The following GTF2A2 variants were observed in gnomAD, a reference collection of about 807,000 sequenced individuals.
The protein encoded by GTF2A2 is general transcription factor IIA subunit 2.
In GTF2A2, 9 loss-of-function variants were observed where a neutral mutation model predicts 14.3. The observed-to-expected ratio is 0.63, with a 90% CI of 0.38 to 1.10. The LOEUF is 1.10. Ranked by LOEUF, GTF2A2 falls within the 50% of genes least tolerant of loss-of-function variation. The pLI is 0.01. For synonymous variants in GTF2A2, 56 were observed against 46.0 expected, an observed-to-expected ratio of 1.22 and a Z score of -0.88; for missense variants, 90 against 124.6, an observed-to-expected ratio of 0.72 and a Z score of 1.32.
chr15:59,645,235 A>G (rs1891563681), intron 3 of GTF2A2, among the ~76,000 whole-genome samples: 1 of 152,314 alleles, frequency 6.6e-6, no homozygotes, highest in East Asian at 1.9e-4. Context: ...TATCTAAGTC[A>G]TGATGTCCAA....
chr15:59,647,721 G>C (rs1425442899), intron 3 of GTF2A2, among the ~76,000 whole-genome samples: 1 of 151,984 alleles, frequency 6.6e-6, no homozygotes, highest in Non-Finnish European at 1.5e-5. Context: ...TGGGACTACA[G>C]GCATGCACCA....
chr15:59,642,875 T>G (rs1249652386), intron 3 of GTF2A2, among the ~76,000 whole-genome samples: 1 of 152,208 alleles, frequency 6.6e-6, no homozygotes. Context: ...CAAGAGATTC[T>G]CCTACCTCAG....
rs1214486989 is a variant in GTF2A2, at chr15:59,650,753, T to C, written c.93A>G (p.Gln31=). 1 of 1,605,050 alleles carries C rather than the reference T, an allele frequency of 6.2e-7. No individual in the cohort carries two copies. The highest frequency in any genetic ancestry group is 8.5e-7 in the Non-Finnish European group (1 of 1,172,056). ...ACTGAAGTAGAACTTGAAGGGCAAG[T>C]TGGGGGGTGATCTGTTGAGACTGAG... ...ELIQSQQITP[Q]LALQVLLQFD... The change falls in exon 3 of 5, where the codon CAA becomes CAG. Residue 31 remains glutamine (Q), a synonymous_variant. Transcript: ENST00000396060.
chr15:59,642,653 G>C (rs1250109091), intron 3 of GTF2A2, among the ~76,000 whole-genome samples: 1 of 152,192 alleles, frequency 6.6e-6, no homozygotes, highest in Non-Finnish European at 1.5e-5. Context: ...TACAAAAGCA[G>C]GGATTTCTTA....
Position 59,639,091 on chromosome 15 carries a change from G to A in GTF2A2, c.*41C>T, listed in dbSNP as rs765097454. 2 of 1,165,276 alleles carry A rather than the reference G, an allele frequency of 1.7e-6. No homozygotes were observed. The highest frequency in any genetic ancestry group is 2.6e-6 in the Non-Finnish European group (2 of 774,044). The allele number at this position is 1,165,276 out of a possible 1,614,324, so 72.2% of individuals were successfully genotyped here. On this transcript the variant is annotated 3_prime_UTR_variant, in exon 5 of 5. Transcript: ENST00000396060. Reference sequence around the variant, plus strand: ...TTCTATGCTTCTCTTCAAAAGCAATGAATAACAGAAGATGGTGTAAAAAAG... The same window carrying A: ...TTCTATGCTTCTCTTCAAAAGCAATAAATAACAGAAGATGGTGTAAAAAAG...
At chr15:59,655,069 G>T (rs1420218562) in intron 1 of GTF2A2, among the ~76,000 whole-genome samples, 1 of 152,042 alleles carries the variant, frequency 6.6e-6, no homozygotes, top group Non-Finnish European at 1.5e-5. Flanking sequence ...TTCTACCTTT[G>T]TATCAGGCAT....
intron 3 of GTF2A2, among the ~76,000 whole-genome samples, 195 bp downstream of exon 3, chr15:59,650,474 G>A (rs1891756962): frequency 6.6e-6 from 1 of 152,138 alleles, no homozygotes; most frequent in African/African-American, 2.4e-5. Context: ...AAACATCTCT[G>A]TATCTCACAT....
intron 3 of GTF2A2, among the ~76,000 whole-genome samples, chr15:59,643,313 C>T (rs1316001785): frequency 2.0e-5 from 3 of 151,980 alleles, no homozygotes; most frequent in African/African-American, 7.3e-5. Flanking sequence ...CTCCTGACCT[C>T]AGATGATCTG....
intron 4 of GTF2A2, among the ~76,000 whole-genome samples, chr15:59,639,551 C>G (rs966797135): frequency 1.3e-5 from 2 of 151,386 alleles, no homozygotes; most frequent in Non-Finnish European, 2.9e-5. Context: ...GGCTCTGCCC[C>G]CCGGGGGTTC....
intron 3 of GTF2A2, among the ~76,000 whole-genome samples, chr15:59,642,755 A>C (rs765173208): frequency 2.6e-5 from 4 of 152,106 alleles, no homozygotes; most frequent in Non-Finnish European, 4.4e-5. Context: ...TGCAACTTAT[A>C]ATTTTTTATA....
chr15:59,643,744 G>A (rs372730813), intron 3 of GTF2A2, among the ~76,000 whole-genome samples: 10 of 147,652 alleles, frequency 6.8e-5, no homozygotes, highest in African/African-American at 1.3e-4. Context: ...ACTACAGGGC[G>A]TAGGCCACCA....
chr15:59,640,402 CTATGGTTCAAATG>C (rs772316386), intron 4 of GTF2A2, among the ~76,000 whole-genome samples: 55 of 152,328 alleles, frequency 3.6e-4, no homozygotes, highest in Admixed American at 1.6e-3. Context: ...TGGTTCTCAG[CTATGGTTCAAATG>C]TATGGTTCAA....
At chr15:59,644,480 G>A (rs752738619) in intron 3 of GTF2A2, among the ~76,000 whole-genome samples, 12 of 152,216 alleles carry the variant, frequency 7.9e-5, no homozygotes, top group Admixed American at 6.5e-4. Flanking sequence ...TAATTACTGT[G>A]TGCTAGACTA....
intron 4 of GTF2A2, among the ~76,000 whole-genome samples, chr15:59,641,181 C>CTTTTTTTTTTTT (rs374075324): frequency 7.1e-6 from 1 of 141,370 alleles, no homozygotes; most frequent in African/African-American, 2.7e-5. Flanking sequence ...CAGCAAGACT[C>CTTTTTTTTTTTT]TTTTTTTTTT....
rs1259293011 is a variant in GTF2A2 at position 59,650,748 on chromosome 15, G to C, written c.98C>G (p.Ala33Gly). 1 of 1,605,118 alleles carries C rather than the reference G, an allele frequency of 6.2e-7. No individual in the cohort carries two copies. Among genetic ancestry groups the C allele is most frequent in the African/African-American group, 1.3e-5 (1 of 74,698 alleles). ...ATCAAACTGAAGTAGAACTTGAAGG[G>C]CAAGTTGGGGGGTGATCTGTTGAGA... is the stretch of plus-strand genomic sequence containing the variant. The part of the protein sequence containing the change: ...IQSQQITPQL[A>G]LQVLLQFDKA... The change falls in exon 3 of 5, where the codon GCC becomes GGC. Residue 33 changes from alanine (A) to glycine (G), a missense_variant. Transcript: ENST00000396060.
At chr15:59,649,940 T>C (rs1305721585) in intron 3 of GTF2A2, among the ~76,000 whole-genome samples, 2 of 152,224 alleles carry the variant, frequency 1.3e-5, no homozygotes, top group South Asian at 2.1e-4. Context: ...TTCTTTTGAC[T>C]ATATTTCTAC....
intron 1 of GTF2A2, among the ~76,000 whole-genome samples, chr15:59,654,205 G>T (rs1340054269): frequency 6.6e-6 from 1 of 152,140 alleles, no homozygotes; most frequent in Non-Finnish European, 1.5e-5. Flanking sequence ...TGGCTTGGAA[G>T]GCCTATGTGA....
chr15:59,644,110 G>A (rs577178851), intron 3 of GTF2A2, among the ~76,000 whole-genome samples: 26 of 152,100 alleles, frequency 1.7e-4, no homozygotes, highest in African/African-American at 5.1e-4. Context: ...GGCCAGGCTC[G>A]TCTTAAACTT....
chr15:59,654,476 C>G (rs996593946), intron 1 of GTF2A2, among the ~76,000 whole-genome samples: 1 of 152,180 alleles, frequency 6.6e-6, no homozygotes, highest in East Asian at 1.9e-4. Flanking sequence ...GAATTACCTT[C>G]CTTCTTCCTC....
Sources: allele counts gnomAD v4.1 joint callset (sites outside exome capture counted in the v4.1 genomes callset), GRCh38; gene constraint gnomAD v4.1.1; transcripts MANE v1.5; gene names NCBI Gene and HGNC (gene_info 2026-07-23, HGNC 2026-07-21).